Variants in CERK observed in about 807,000 individuals in gnomAD.
The protein encoded by CERK is acylsphingosine kinase.
In CERK, 39 loss-of-function variants were observed where a neutral mutation model predicts 63.4. The ratio of observed to expected loss-of-function variants is 0.61; its 90% confidence interval spans 0.48 to 0.80. The LOEUF (loss-of-function observed/expected upper bound fraction) is 0.80. Among genes scored for constraint, CERK ranks in the 30% least tolerant of loss-of-function variants. CERK has a pLI of 0.00. For missense variants in CERK, 670 were observed against 714.1 expected (o/e 0.94, Z 0.70); for synonymous variants, 302 against 280.0 (o/e 1.08, Z -0.78).
Position 46,687,125 on chromosome 22 carries a change from G to A in CERK, c.*9C>T, listed in dbSNP as rs765580064. ...CACTTTCCCAGTTTGTGAGCAGGAC[G>A]CCGGCTTCTCAGCTGTGTGAGTCTG... On this transcript the variant is annotated 3_prime_UTR_variant, in exon 13 of 13. Coordinates refer to ENST00000216264, the MANE Select transcript of CERK (RefSeq NM_022766.6). 3.7e-5 allele frequency: 60 copies of A among 1,612,920 alleles called. No individual in the cohort carries two copies. The highest frequency in any genetic ancestry group is 2.4e-4 in the African/African-American group (18 of 74,920).
intron 1 of CERK, among the ~76,000 whole-genome samples, chr22:46,734,734 C>G (rs2082963865): frequency 6.6e-6 from 1 of 152,166 alleles, no homozygotes; most frequent in Admixed American, 6.5e-5. Context: ...GTTTTCTCAG[C>G]TTTTCTTTCA....
chr22:46,701,568 A>G, intron 7 of CERK, 68 bp downstream of exon 7: 1 of 1,352,374 alleles, frequency 7.4e-7, no homozygotes, highest in Non-Finnish European at 1.0e-6. Flanking sequence ...CGGGGACCAG[A>G]GTGGGACAGG....
Position 46,686,240 on chromosome 22 carries a change from G to C in CERK, c.*894C>G, listed in dbSNP as rs1032119902. The C allele has an allele frequency of 6.6e-6, 1 of 152,218 alleles. No individual in the cohort carries two copies. The highest frequency in any genetic ancestry group is 2.4e-5 in the African/African-American group (1 of 41,438). 9.4% of individuals were successfully genotyped at this position (152,218 alleles called of 1,614,324 possible). ...AAAGACAAGGACAAATCTGGACCAC[G>C]TGTACAGACTTCAGGCCCTGCCTCA... is the stretch of plus-strand genomic sequence containing the variant. On this transcript the variant is annotated 3_prime_UTR_variant, in exon 13 of 13. Coordinates refer to ENST00000216264, the MANE Select transcript of CERK (RefSeq NM_022766.6).
intron 11 of CERK, among the ~76,000 whole-genome samples, chr22:46,691,218 G>C (rs994800407): frequency 3.9e-5 from 6 of 152,096 alleles, no homozygotes; most frequent in African/African-American, 1.4e-4. Flanking sequence ...GGGATTACAG[G>C]CGCACGCCAC....
chr22:46,687,653 C>T (rs1011606764), intron 12 of CERK, among the ~76,000 whole-genome samples: 2 of 151,230 alleles, frequency 1.3e-5, no homozygotes, highest in Non-Finnish European at 2.9e-5. Flanking sequence ...TGCGGGGCGA[C>T]TCAATGCGTG....
At position 46,691,772 on chromosome 22, in the gene CERK, C is replaced by A; in HGVS notation, c.1132G>T (p.Val378Leu). 1 of 1,609,212 alleles carries A rather than the reference C, an allele frequency of 6.2e-7. No individual in the cohort carries two copies. Among genetic ancestry groups the A allele is most frequent in the Non-Finnish European group, 8.5e-7 (1 of 1,176,322 alleles). ...CCACAGACGACTTGCCACTCCTCCA[C>A]GTCCTCTGAAGCACAAAGAACCACG... ...ALYGLEAAED[V>L]EEWQVVCGKF... Residue 378 changes from valine to leucine, a missense_variant, in exon 11 of 13, where the codon GTG (valine) becomes TTG (leucine). Transcript: ENST00000216264.
chr22:46,727,216 T>C (rs1298557718), intron 1 of CERK, among the ~76,000 whole-genome samples: 1 of 152,032 alleles, frequency 6.6e-6, no homozygotes, highest in African/African-American at 2.4e-5. Flanking sequence ...AACTTACTGC[T>C]ATTTCATGCC....
intron 1 of CERK, among the ~76,000 whole-genome samples, chr22:46,728,651 C>T (rs917269045): frequency 5.9e-5 from 9 of 152,238 alleles, no homozygotes; most frequent in Non-Finnish European, 1.0e-4. Flanking sequence ...CTCTCCCACC[C>T]GCTATGACTG....
At chr22:46,687,575 C>T (rs2082709041) in intron 12 of CERK, among the ~76,000 whole-genome samples, 1 of 152,022 alleles carries the variant, frequency 6.6e-6, no homozygotes, top group Non-Finnish European at 1.5e-5. Context: ...AGTGTCTGCC[C>T]ACTCCACCCA....
intron 6 of CERK, among the ~76,000 whole-genome samples, chr22:46,703,567 AC>A (rs1345747619): frequency 6.6e-6 from 1 of 151,896 alleles, no homozygotes; most frequent in Non-Finnish European, 1.5e-5. Flanking sequence ...TTACAGGGCC[AC>A]CCTTGGGTGT....
chr22:46,734,783 C>T (rs2082964265), intron 1 of CERK, among the ~76,000 whole-genome samples: 2 of 152,214 alleles, frequency 1.3e-5, no homozygotes, highest in East Asian at 1.9e-4. Context: ...ATATTAATCA[C>T]GTCTAAGTCG....
intron 3 of CERK, among the ~76,000 whole-genome samples, chr22:46,713,488 G>A (rs1271410189): frequency 5.2e-5 from 6 of 116,086 alleles, no homozygotes; most frequent in South Asian, 3.0e-4. Context: ...CAGCCTGGGC[G>A]ACAGAGTGAG....
Position 46,738,233 on chromosome 22 carries a change from G to GGCGGCGA in CERK, c.-86_-85insTCGCCGC. 1 of 626,948 alleles carries GGCGGCGA rather than the reference G, an allele frequency of 1.6e-6. No homozygotes were observed. The highest frequency in any genetic ancestry group is 2.0e-6 in the Non-Finnish European group (1 of 511,438). 38.8% of individuals were successfully genotyped at this position (626,948 alleles called of 1,614,324 possible). A position where few individuals can be genotyped will look rare whatever the true frequency, so the allele number is the denominator to read the frequency against. ...CGTTAGCGGCCCCTGCAGTGGCCCG[G>GGCGGCGA]GCGGCGGGCGGCGGGCGGCGGGAGG... On this transcript the variant is annotated 5_prime_UTR_variant, in exon 1 of 13. Coordinates refer to ENST00000216264, the MANE Select transcript of CERK (RefSeq NM_022766.6).
At chr22:46,720,837 T>A in intron 2 of CERK, 65 bp downstream of exon 2, 1 of 987,168 alleles carries the variant, frequency 1.0e-6, no homozygotes, top group Admixed American at 1.8e-5. Flanking sequence ...AACAGAAAAG[T>A]TCCCTCTCGT....
rs2082857378 is a variant in CERK, at chr22:46,714,373, G to T, written c.380-2080C>A. Among the ~76,000 whole-genome samples the T allele has an allele frequency of 1.3e-5, 2 of 152,112 alleles. No individual in the cohort carries two copies. The highest frequency in any genetic ancestry group is 4.1e-4 in the South Asian group (2 of 4,828). On this transcript the variant is annotated intron_variant, in intron 3 of 12. Coordinates refer to ENST00000216264, the MANE Select transcript of CERK (RefSeq NM_022766.6). The surrounding 1 kb of genome is among the most constrained non-coding windows in gnomAD (Gnocchi z 4.4). ...GTGAGAGAATCACTTGAACCTGGGA[G>T]GTCGAGGCTGCAGTGAGCTATGGTC...
rs1211344582 is a variant in CERK at position 46,691,628 on chromosome 22, AT to A, written c.1275del (p.Lys425AsnfsTer8). 6.2e-7 allele frequency: 1 copy of A among 1,614,030 alleles called. No individual in the cohort carries two copies. Among genetic ancestry groups the A allele is most frequent in the Non-Finnish European group, 8.5e-7 (1 of 1,180,024 alleles). On this transcript the variant is annotated frameshift_variant, in exon 11 of 13. Transcript: ENST00000216264. LOFTEE classifies it high-confidence loss of function. The stretch of plus-strand genomic sequence containing the variant: ...AATCTCAGAAAATTGAACCTGGAGC[AT>A]TTCCGGATGAGGATGAGGTCAGAAG... ...DGSSDLILIRKCSRFNFLRFL... is the reference protein window; with the variant it reads ...DGSSDLILIRXCSRFNFLRFL...
At chr22:46,716,451 A>C (rs2082866859) in intron 3 of CERK, among the ~76,000 whole-genome samples, 1 of 150,788 alleles carries the variant, frequency 6.6e-6, no homozygotes, top group Non-Finnish European at 1.5e-5. Context: ...TCGGCCTCCC[A>C]AAGTGCTAGG....
At chr22:46,700,925 C>T (rs1431844022) in intron 7 of CERK, among the ~76,000 whole-genome samples, 2 of 151,698 alleles carry the variant, frequency 1.3e-5, no homozygotes, top group Non-Finnish European at 2.9e-5. Context: ...GCAGGAGAAT[C>T]GCTTGAACTT....
chr22:46,695,598 T>C (rs1341506551), intron 8 of CERK, among the ~76,000 whole-genome samples: 2 of 152,224 alleles, frequency 1.3e-5, no homozygotes, highest in Admixed American at 6.5e-5. Context: ...GCTGGCAAAG[T>C]GGGGCCTTTG....
Sources: gnomAD v4.1 joint callset for allele counts (sites outside exome capture counted in the v4.1 genomes callset) on GRCh38, gnomAD v4.1.1 for gene constraint, Gnocchi (gnomAD v3.1) non-coding constraint, MANE v1.5 for transcripts, NCBI Gene and HGNC (gene_info 2026-07-23, HGNC 2026-07-21) for gene names.